Variants in CELF2 observed in about 807,000 individuals in gnomAD.
The protein encoded by CELF2 is CUGBP Elav-like family member 2, also known as CUG triplet repeat RNA-binding protein 2.
A neutral mutation model predicts 62.6 loss-of-function variants in CELF2; 8 were observed. The observed-to-expected ratio is 0.13, with a 90% confidence interval of 0.07 to 0.23. CELF2 has a LOEUF of 0.23. CELF2 is among the 10% of genes least tolerant of loss of function. The probability of loss-of-function intolerance (pLI) is 1.00; values close to 1 mark genes in which losing one functional copy is unlikely to be tolerated. For synonymous variants in CELF2, 258 were observed against 250.0 expected, an observed-to-expected ratio of 1.03 and a Z score of -0.30; for missense variants, 333 against 671.0, an observed-to-expected ratio of 0.50 and a Z score of 5.56.
chr10:10,825,005 C>G (rs901966137), intron 1 of CELF2, among the ~76,000 whole-genome samples: 1 of 152,030 alleles, frequency 6.6e-6, no homozygotes, highest in African/African-American at 2.4e-5. Context: ...TTTTAATAAG[C>G]GTTTGTAATT....
chr10:11,165,133 A>G lies in CELF2; in HGVS notation c.75-353A>G. ...AGCCACAGCCAGGGTAGGGCTGATA[A>G]GGCGCTGATGCGTTGATGGCAGCCT... On this transcript the variant is annotated intron_variant, in intron 1 of 12. Coordinates refer to ENST00000633077, the MANE Select transcript of CELF2 (RefSeq NM_001326342.2). This position sits in a 1 kb window ranked among gnomAD's most constrained non-coding sequence, Gnocchi z 7.4. 4 of 1,051,154 alleles carry G rather than the reference A, an allele frequency of 3.8e-6. No homozygotes were observed. Among genetic ancestry groups the G allele is most frequent in the East Asian group, 8.4e-5 (1 of 11,924 alleles). 65.1% of individuals were successfully genotyped at this position (1,051,154 alleles called of 1,614,324 possible). A position where few individuals can be genotyped will look rare whatever the true frequency, so the allele number is the denominator to read the frequency against.
Position 10,934,885 on chromosome 10 carries a change from G to A in CELF2, c.89+14886G>A, listed in dbSNP as rs530396052. On this transcript the variant is annotated intron_variant, in intron 2 of 13. Transcript: ENST00000636488. The surrounding 1 kb of genome is among the most constrained non-coding windows in gnomAD (Gnocchi z 4.4). ...TGACATTCCCTGCTAAATTAGACAAGATGCAAATTTGATAGAGATTCCTTA... is the reference window on the plus strand; with the variant it reads ...TGACATTCCCTGCTAAATTAGACAAAATGCAAATTTGATAGAGATTCCTTA... The A allele has an allele frequency of 1.3e-5, 2 of 152,308 alleles. No homozygotes were observed. Among genetic ancestry groups the A allele is most frequent in the South Asian group, 4.1e-4 (2 of 4,824 alleles). 9.4% of individuals were successfully genotyped at this position (152,308 alleles called of 1,614,324 possible). A position where few individuals can be genotyped will look rare whatever the true frequency, so the allele number is the denominator to read the frequency against.
chr10:11,083,055 G>C (rs1379787799), intron 1 of CELF2, among the ~76,000 whole-genome samples: 1 of 152,218 alleles, frequency 6.6e-6, no homozygotes, highest in African/African-American at 2.4e-5. Context: ...CAGCCATGAG[G>C]ATGGATCGTA....
chr10:10,744,985 C>G, the CELF2 span, among the ~76,000 whole-genome samples: 1 of 151,994 alleles, frequency 6.6e-6, no homozygotes, highest in South Asian at 2.1e-4. Flanking sequence ...CAGTATATAA[C>G]CAGAGCTTTA....
intron 8 of CELF2, among the ~76,000 whole-genome samples, chr10:11,287,486 T>G (rs1378955217): frequency 5.3e-5 from 8 of 152,256 alleles, no homozygotes. Context: ...ACTCTTATCT[T>G]CATGCTAATT....
At chr10:10,535,593 G>A in the CELF2 span, among the ~76,000 whole-genome samples, 35,402 of 151,966 alleles carry the variant, frequency 0.23, 4,973 homozygotes, top group Non-Finnish European at 0.32. Context: ...GGTGGCGGGC[G>A]CCTGTAATCC....
intron 1 of CELF2, among the ~76,000 whole-genome samples, chr10:10,832,567 C>T (rs879637172): frequency 5.3e-5 from 8 of 152,140 alleles, no homozygotes; most frequent in Non-Finnish European, 8.8e-5. Flanking sequence ...ATAACCCTTT[C>T]GAAGAGTGAT....
At chr10:11,229,553 C>T (rs2067851192) in intron 3 of CELF2, among the ~76,000 whole-genome samples, 1 of 152,094 alleles carries the variant, frequency 6.6e-6, no homozygotes, top group Non-Finnish European at 1.5e-5. Context: ...CCAGGCCACA[C>T]CACAGCCAAA....
rs56167230 is a variant in CELF2 at position 11,228,718 on chromosome 10, C to CAAAA, written c.354+11235_354+11238dup. ...TCACAACCCCCACCCGCGCCCCTCG[C>CAAAA]AAAAAAAAAAAAAAAAAAAAAAAAA... On this transcript the variant is annotated intron_variant, in intron 3 of 12. Transcript: ENST00000633077. Among the ~76,000 whole-genome samples, 365 of 135,122 alleles carry CAAAA rather than the reference C, an allele frequency of 2.7e-3. 14 individuals are homozygous for CAAAA. Among genetic ancestry groups the CAAAA allele is most frequent in the African/African-American group, 1.0e-2 (347 of 34,810 alleles). The allele number at this position is 135,122 out of a possible 152,430, so 88.6% of individuals were successfully genotyped here. A position where few individuals can be genotyped will look rare whatever the true frequency, so the allele number is the denominator to read the frequency against.
chr10:10,613,466 T>C, the CELF2 span, among the ~76,000 whole-genome samples: 1 of 152,224 alleles, frequency 6.6e-6, no homozygotes, highest in Admixed American at 6.5e-5. Context: ...GGTGATCGTA[T>C]GGCTGATATA....
the CELF2 span, among the ~76,000 whole-genome samples, chr10:10,736,058 TG>T: frequency 1.3e-5 from 2 of 152,208 alleles, no homozygotes; most frequent in African/African-American, 4.8e-5. Context: ...ATAAGGAAAT[TG>T]GACTAGATTT....
At chr10:10,683,454 GT>G in the CELF2 span, among the ~76,000 whole-genome samples, 1 of 152,066 alleles carries the variant, frequency 6.6e-6, no homozygotes, top group Non-Finnish European at 1.5e-5. Context: ...TCTTTTTAAT[GT>G]TTTAATCCAA....
chr10:11,087,617 T>A (rs1475565169), intron 1 of CELF2, among the ~76,000 whole-genome samples: 1 of 152,196 alleles, frequency 6.6e-6, no homozygotes, highest in Admixed American at 6.5e-5. Context: ...ATGAGACACA[T>A]CACATTTATG....
intron 2 of CELF2, chr10:11,169,245 G>A (rs985076904): frequency 6.6e-6 from 1 of 152,132 alleles, no homozygotes; most frequent in Non-Finnish European, 1.5e-5. Flanking sequence ...CTCTAAAAGG[G>A]ACAAGAAGGC....
At chr10:11,093,708 G>A (rs1252965629) in intron 1 of CELF2, among the ~76,000 whole-genome samples, 1 of 152,008 alleles carries the variant, frequency 6.6e-6, no homozygotes, top group Non-Finnish European at 1.5e-5. Flanking sequence ...CCTTGTCCAG[G>A]CCCTTTTTTC....
intron 2 of CELF2, among the ~76,000 whole-genome samples, chr10:10,960,598 A>G (rs2049389203): frequency 6.6e-6 from 1 of 152,320 alleles, no homozygotes; most frequent in South Asian, 2.1e-4. Flanking sequence ...TGTTAAGTGT[A>G]TTTTATTGTA....
At chr10:10,721,037 T>C in the CELF2 span, among the ~76,000 whole-genome samples, 4 of 152,254 alleles carry the variant, frequency 2.6e-5, no homozygotes, top group South Asian at 2.1e-4. Flanking sequence ...GGTGATGTTT[T>C]AGTCAATTTG....
intron 1 of CELF2, among the ~76,000 whole-genome samples, chr10:10,915,268 A>T (rs12252363): frequency 0.076 from 11,594 of 152,222 alleles, 1,077 homozygotes; most frequent in African/African-American, 0.22. Context: ...GGCATTTTTT[A>T]AAAAATGAAC....
the CELF2 span, among the ~76,000 whole-genome samples, chr10:10,588,285 C>T: frequency 2.0e-5 from 3 of 152,124 alleles, no homozygotes; most frequent in East Asian, 3.9e-4. Context: ...CTCCTTCAAC[C>T]TTGAGGAAGA....
Sources: allele counts gnomAD v4.1 joint callset (sites outside exome capture counted in the v4.1 genomes callset), GRCh38; gene constraint gnomAD v4.1.1; non-coding constraint Gnocchi (gnomAD v3.1); transcripts MANE v1.5; gene names NCBI Gene and HGNC (gene_info 2026-07-23, HGNC 2026-07-21).